The following PRIM2 variants were observed in gnomAD, a reference collection of about 807,000 sequenced individuals.
PRIM2 encodes DNA primase subunit 2.
A neutral mutation model predicts 67.3 loss-of-function variants in PRIM2; 39 were observed. The observed-to-expected ratio is 0.58, with a 90% CI of 0.45 to 0.76. The LOEUF is 0.76. Ranked by LOEUF, PRIM2 falls within the 30% of genes least tolerant of loss-of-function variation. The pLI is 0.00. For missense variants in PRIM2, 398 were observed against 598.7 expected (o/e 0.66, Z 3.50); for synonymous variants, 143 against 198.7 (o/e 0.72, Z 2.36).
chr6:57,250,581 A>G, the PRIM2 span, among the ~76,000 whole-genome samples: 1 of 152,208 alleles, frequency 6.6e-6, no homozygotes, highest in Admixed American at 6.5e-5. Flanking sequence ...TGAAAGTGAC[A>G]TTTGTGCAGA....
chr6:57,443,153 A>G (rs1434619667), intron 7 of PRIM2, among the ~76,000 whole-genome samples: 1 of 152,112 alleles, frequency 6.6e-6, no homozygotes, highest in Non-Finnish European at 1.5e-5. Context: ...TCACCTGTTG[A>G]TAGATACTTA....
At chr6:57,237,397 T>C in the PRIM2 span, among the ~76,000 whole-genome samples, 2 of 152,242 alleles carry the variant, frequency 1.3e-5, no homozygotes, top group African/African-American at 4.8e-5. Flanking sequence ...TTTCTTTTGC[T>C]GTGCAGAAGC....
the PRIM2 span, among the ~76,000 whole-genome samples, chr6:57,258,874 G>A: frequency 5.9e-5 from 9 of 152,126 alleles, no homozygotes; most frequent in African/African-American, 1.7e-4. Context: ...CAGGATAGGA[G>A]CAGCCTCAAG....
At chr6:57,335,496 A>G (rs1768204441) in intron 5 of PRIM2, among the ~76,000 whole-genome samples, 1 of 152,210 alleles carries the variant, frequency 6.6e-6, no homozygotes, top group African/African-American at 2.4e-5. Flanking sequence ...TGGTTCTCCC[A>G]GCACCCAGCT....
chr6:57,560,778 C>A (rs1775610727), intron 10 of PRIM2, among the ~76,000 whole-genome samples: 1 of 152,068 alleles, frequency 6.6e-6, no homozygotes, highest in Admixed American at 6.5e-5. Context: ...CACTAAGTCT[C>A]AATAGTGGGC....
chr6:57,628,544 G>A, intron 12 of PRIM2, among the ~76,000 whole-genome samples: 1 of 152,150 alleles, frequency 6.6e-6, no homozygotes, highest in East Asian at 1.9e-4. Flanking sequence ...TTATTATATG[G>A]GTATGTTGCA....
intron 7 of PRIM2, among the ~76,000 whole-genome samples, chr6:57,398,611 T>C (rs536158445): frequency 6.6e-6 from 1 of 152,284 alleles, no homozygotes; most frequent in Non-Finnish European, 1.5e-5. Flanking sequence ...ATGAGAAGAA[T>C]GTATATTTTA....
intron 7 of PRIM2, among the ~76,000 whole-genome samples, chr6:57,396,881 C>T (rs1020459334): frequency 6.6e-5 from 10 of 152,122 alleles, no homozygotes; most frequent in Non-Finnish European, 1.0e-4. Context: ...ATTCTCTCAG[C>T]ATTTGTTTGT....
intron 7 of PRIM2, among the ~76,000 whole-genome samples, chr6:57,442,616 T>C (rs1208093281): frequency 6.6e-6 from 1 of 152,138 alleles, no homozygotes; most frequent in Non-Finnish European, 1.5e-5. Flanking sequence ...TTTTTGGTTC[T>C]GTCATTGTTG....
intron 10 of PRIM2, among the ~76,000 whole-genome samples, chr6:57,554,652 C>T (rs1435320811): frequency 6.6e-6 from 1 of 152,196 alleles, no homozygotes; most frequent in Admixed American, 6.5e-5. Context: ...CCACCCATCT[C>T]TTGCATAGGA....
intron 7 of PRIM2, among the ~76,000 whole-genome samples, chr6:57,454,942 T>A (rs1772708684): frequency 6.6e-6 from 1 of 152,244 alleles, no homozygotes; most frequent in South Asian, 2.1e-4. Context: ...AATTTCCCTC[T>A]ACACAGTGCT....
At chr6:57,627,279 C>CAAA (rs1158722297) in intron 12 of PRIM2, among the ~76,000 whole-genome samples, 269 of 24,532 alleles carry the variant, frequency 0.011, 51 homozygotes, top group African/African-American at 0.019. Context: ...GACTCTGTCT[C>CAAA]AAAAAAAAAA....
intron 12 of PRIM2, among the ~76,000 whole-genome samples, chr6:57,621,968 T>G (rs1776865041): frequency 6.6e-6 from 1 of 152,138 alleles, no homozygotes; most frequent in Non-Finnish European, 1.5e-5. Context: ...CTTTCTTTTT[T>G]GAGATGGAGT....
chr6:57,615,167 C>T (rs1776732466), intron 12 of PRIM2, among the ~76,000 whole-genome samples: 4 of 152,050 alleles, frequency 2.6e-5, no homozygotes, highest in Admixed American at 2.6e-4. Context: ...GCCTGAATCC[C>T]AGCACTTTGG....
chr6:57,229,653 A>C, the PRIM2 span, among the ~76,000 whole-genome samples: 1 of 151,796 alleles, frequency 6.6e-6, no homozygotes, highest in African/African-American at 2.4e-5. Context: ...ACCCATGCCC[A>C]GCTAATTTTT....
chr6:57,627,492 G>A (rs1188672003), intron 12 of PRIM2, among the ~76,000 whole-genome samples: 11 of 150,748 alleles, frequency 7.3e-5, no homozygotes, highest in South Asian at 4.2e-4. Flanking sequence ...GGGTTCAAGC[G>A]ATTCTCCTGC....
chr6:57,331,918 T>C (rs1768069276), intron 5 of PRIM2, among the ~76,000 whole-genome samples: 1 of 151,666 alleles, frequency 6.6e-6, no homozygotes, highest in African/African-American at 2.4e-5. Flanking sequence ...CTACAGTCTT[T>C]AGTATTTCCT....
intron 5 of PRIM2, among the ~76,000 whole-genome samples, chr6:57,341,051 C>T (rs1196413816): frequency 9.2e-5 from 14 of 152,028 alleles, no homozygotes; most frequent in African/African-American, 1.2e-4. Flanking sequence ...TTATAATGAA[C>T]CTGTGCATTA....
At chr6:57,456,059 G>A (rs1354338866) in intron 7 of PRIM2, among the ~76,000 whole-genome samples, 1 of 152,054 alleles carries the variant, frequency 6.6e-6, no homozygotes, top group Admixed American at 6.6e-5. Context: ...TAGTTTGGCT[G>A]GATATGAAAT....
Sources: allele counts gnomAD v4.1 joint callset (sites outside exome capture counted in the v4.1 genomes callset), GRCh38; gene constraint gnomAD v4.1.1; transcripts MANE v1.5; gene names NCBI Gene and HGNC (gene_info 2026-07-23, HGNC 2026-07-21).